SLC27A6: variants seen among roughly 807,000 people sequenced by gnomAD.
The protein encoded by SLC27A6 is long-chain fatty acid transport protein 6.
SLC27A6 carries 74 observed loss-of-function variants against 63.9 expected under a neutral mutation model. That is an observed-to-expected ratio of 1.16 (90% CI 0.96 to 1.40). The LOEUF is 1.40. SLC27A6 is among the 40% of genes most tolerant of loss of function. The pLI is 0.00. For missense variants in SLC27A6, 794 were observed against 732.9 expected, an observed-to-expected ratio of 1.08 and a Z score of -0.96; for synonymous variants, 287 against 260.8, an observed-to-expected ratio of 1.10 and a Z score of -0.97.
intron 1 of SLC27A6, among the ~76,000 whole-genome samples, chr5:128,972,314 G>C (rs895880032): frequency 6.6e-6 from 1 of 152,314 alleles, no homozygotes; most frequent in Admixed American, 6.5e-5. Flanking sequence ...GGTCTGCCTT[G>C]CTAGGTAGGG....
rs748160890 is a variant in SLC27A6, at chr5:128,966,555, C to T, written c.418C>T (p.Arg140Cys). 5.1e-6 allele frequency: 8 copies of T among 1,571,438 alleles called. No homozygotes were observed. The highest frequency in any genetic ancestry group is 1.9e-5 in the Admixed American group (1 of 53,768). Residue 140 changes from arginine to cysteine, a missense_variant, in exon 1 of 10, where the codon CGC becomes TGC. Transcript: ENST00000262462. ...GGTGGCCTTTCTCAACACCAACATTCGCTCCAACTCCCTCCTGAATTGCAT... is the reference window on the plus strand; with the variant it reads ...GGTGGCCTTTCTCAACACCAACATTTGCTCCAACTCCCTCCTGAATTGCAT... ...CVVAFLNTNI[R>C]SNSLLNCIRA... is the part of the protein sequence containing the mutation.
chr5:128,990,365 A>G lies in SLC27A6; in HGVS notation c.870A>G (p.Lys290=). 1 of 1,613,820 alleles carries G rather than the reference A, an allele frequency of 6.2e-7. No individual in the cohort carries two copies. The highest frequency in any genetic ancestry group is 8.5e-7 in the Non-Finnish European group (1 of 1,179,940). Residue 290 remains lysine (K), a synonymous_variant, in exon 4 of 10, where the codon AAA becomes AAG. Transcript: ENST00000262462. The part of the protein sequence containing the change: ...ELGATCVLKK[K]FSASQFWSDC... ...GTGCCACTTGTGTGTTAAAGAAGAA[A>G]TTTTCAGCAAGCCAGTTTTGGAGTG...
At chr5:128,995,467 A>G (rs1751125484) in intron 4 of SLC27A6, among the ~76,000 whole-genome samples, 2 of 152,240 alleles carry the variant, frequency 1.3e-5, no homozygotes, top group Non-Finnish European at 2.9e-5. Context: ...ATGAAAAGTA[A>G]TTACAGACAA....
chr5:129,000,500 GA>G (rs1263514955), intron 4 of SLC27A6, among the ~76,000 whole-genome samples: 2 of 152,142 alleles, frequency 1.3e-5, no homozygotes, highest in Non-Finnish European at 2.9e-5. Context: ...GACCTGCAAG[GA>G]AAGCTAAATT....
At chr5:129,008,716 C>A (rs11952143) in intron 4 of SLC27A6, among the ~76,000 whole-genome samples, 1 of 152,074 alleles carries the variant, frequency 6.6e-6, no homozygotes, top group Non-Finnish European at 1.5e-5. Flanking sequence ...GAGAAAAGAA[C>A]CCTCTGTCTT....
chr5:129,013,787 G>C (rs1751804510), intron 4 of SLC27A6, among the ~76,000 whole-genome samples: 1 of 151,876 alleles, frequency 6.6e-6, no homozygotes, highest in Admixed American at 6.6e-5. Flanking sequence ...ATTCTATAGG[G>C]CTCCACTTGT....
intron 2 of SLC27A6, among the ~76,000 whole-genome samples, chr5:128,987,162 A>G (rs1750818661): frequency 1.3e-5 from 2 of 152,144 alleles, no homozygotes; most frequent in South Asian, 4.1e-4. Flanking sequence ...ATAGATAGAT[A>G]TACATATATG....
chr5:129,001,869 C>T (rs1000367242), intron 4 of SLC27A6, among the ~76,000 whole-genome samples: 5 of 152,170 alleles, frequency 3.3e-5, no homozygotes, highest in African/African-American at 1.2e-4. Flanking sequence ...TTTAGAAAGG[C>T]ATTGTTAGAG....
At chr5:128,988,989 C>G (rs7735034) in intron 3 of SLC27A6, among the ~76,000 whole-genome samples, 39,101 of 152,014 alleles carry the variant, frequency 0.26, 5,497 homozygotes, top group Non-Finnish European at 0.31. Flanking sequence ...TCGGAGCTGG[C>G]TATTGGCTGG....
At chr5:129,013,091 T>TA (rs1751778364) in intron 4 of SLC27A6, among the ~76,000 whole-genome samples, 1 of 151,984 alleles carries the variant, frequency 6.6e-6, no homozygotes, top group Non-Finnish European at 1.5e-5. Flanking sequence ...TACATCCTTT[T>TA]ATATTTGTTT....
rs534200338 is a variant in SLC27A6 at position 128,990,226 on chromosome 5, T to C, written c.845-114T>C. ...GATATAAATTATTGATGATGAGTTA[T>C]TAAAGTTTTAAAATGAGCAAACATG... On this transcript the variant is annotated intron_variant, in intron 3 of 9. Transcript: ENST00000262462. 106 of 1,032,878 alleles carry C rather than the reference T, an allele frequency of 1.0e-4. No homozygotes were observed. The South Asian group carries it at 1.1e-3, about 11-fold the overall frequency. 64.0% of individuals were successfully genotyped at this position (1,032,878 alleles called of 1,614,324 possible).
chr5:128,976,356 A>C (rs1376848612), intron 1 of SLC27A6, among the ~76,000 whole-genome samples: 1 of 152,106 alleles, frequency 6.6e-6, no homozygotes. Flanking sequence ...TAAAAATACA[A>C]AATCAAAATC....
chr5:129,025,721 TATG>T (rs562276860), intron 6 of SLC27A6, among the ~76,000 whole-genome samples: 39 of 151,788 alleles, frequency 2.6e-4, no homozygotes, highest in South Asian at 4.2e-4. Flanking sequence ...ATGGTGATGA[TATG>T]ATGATGATGA....
intron 4 of SLC27A6, among the ~76,000 whole-genome samples, chr5:129,011,384 G>A (rs1751723142): frequency 6.6e-6 from 1 of 152,120 alleles, no homozygotes. Flanking sequence ...GTTTTGATTT[G>A]TAGTTCTCTG....
At chr5:129,000,791 T>C (rs947031354) in intron 4 of SLC27A6, among the ~76,000 whole-genome samples, 1 of 152,196 alleles carries the variant, frequency 6.6e-6, no homozygotes, top group African/African-American at 2.4e-5. Context: ...TTATTCAAGT[T>C]AGAGCCAAGT....
At chr5:129,012,179 T>C (rs1751749433) in intron 4 of SLC27A6, among the ~76,000 whole-genome samples, 1 of 152,024 alleles carries the variant, frequency 6.6e-6, no homozygotes, top group South Asian at 2.1e-4. Context: ...CAGTTCAAAA[T>C]ACTTTTTAAA....
At chr5:129,011,410 G>A (rs1580736164) in intron 4 of SLC27A6, among the ~76,000 whole-genome samples, 1 of 152,156 alleles carries the variant, frequency 6.6e-6, no homozygotes, top group Admixed American at 6.5e-5. Context: ...GAATGATGTT[G>A]AGCATATTCT....
rs548406118 is a variant in SLC27A6 at position 128,997,484 on chromosome 5, G to C, written c.969+7020G>C. On this transcript the variant is annotated intron_variant, in intron 4 of 9. Transcript: ENST00000262462. ...AACTGTAAATGTAGAAATACAAGGG[G>C]CTAACATAAATAGCTGTTAGCAGCC... 3.3e-5 allele frequency among the ~76,000 whole-genome samples: 5 copies of C among 152,240 alleles called. No individual in the cohort carries two copies. In the East Asian group the frequency reaches 9.7e-4, roughly 29 times the overall value.
intron 2 of SLC27A6, among the ~76,000 whole-genome samples, chr5:128,985,844 A>G (rs1303718123): frequency 6.6e-6 from 1 of 152,220 alleles, no homozygotes; most frequent in Admixed American, 6.5e-5. Flanking sequence ...GTATACCGGC[A>G]ATTTAAGCAC....
Sources: allele counts gnomAD v4.1 joint callset (sites outside exome capture counted in the v4.1 genomes callset), GRCh38; gene constraint gnomAD v4.1.1; transcripts MANE v1.5; gene names NCBI Gene and HGNC (gene_info 2026-07-23, HGNC 2026-07-21).